Variants in GRM8 observed in about 807,000 individuals in gnomAD.
GRM8 encodes the protein glutamate metabotropic receptor 8.
Under a neutral mutation model 87.2 loss-of-function variants are expected in GRM8, and 47 were observed. The ratio of observed to expected loss-of-function variants is 0.54; its 90% CI spans 0.43 to 0.69. The LOEUF (loss-of-function observed/expected upper bound fraction) is 0.69, where lower values mean the gene tolerates loss of function less well. Among genes scored for constraint, GRM8 ranks in the 30% least tolerant of loss-of-function variants. The probability of loss-of-function intolerance (pLI) is 0.00; values close to 1 mark genes in which losing one functional copy is unlikely to be tolerated. For synonymous variants in GRM8, 396 were observed against 404.5 expected, an observed-to-expected ratio of 0.98 and a Z score of 0.25; for missense variants, 1,019 against 1,139.2, an observed-to-expected ratio of 0.89 and a Z score of 1.52.
chr7:126,756,250 TAAAC>T (rs896935305), intron 7 of GRM8, among the ~76,000 whole-genome samples: 3 of 152,024 alleles, frequency 2.0e-5, no homozygotes, highest in African/African-American at 2.4e-5. Flanking sequence ...TTATTCTCTT[TAAAC>T]AAACAAACTC....
chr7:126,937,354 T>G (rs1450082252), intron 3 of GRM8, among the ~76,000 whole-genome samples: 2 of 152,204 alleles, frequency 1.3e-5, no homozygotes, highest in Non-Finnish European at 2.9e-5. Flanking sequence ...AATGTGGAAC[T>G]GGAAGCAGAC....
At chr7:126,755,782 C>T (rs73226979) in intron 7 of GRM8, among the ~76,000 whole-genome samples, 14 of 151,742 alleles carry the variant, frequency 9.2e-5, no homozygotes, top group African/African-American at 3.1e-4. Flanking sequence ...CAGAGACTGA[C>T]GGGATTAGAT....
chr7:126,630,936 G>A (rs1168014855), intron 7 of GRM8, among the ~76,000 whole-genome samples: 1 of 152,090 alleles, frequency 6.6e-6, no homozygotes, highest in African/African-American at 2.4e-5. Flanking sequence ...TATTGAATGG[G>A]CAAAAGCTGA....
intron 3 of GRM8, among the ~76,000 whole-genome samples, chr7:126,909,669 T>C (rs1680488869): frequency 6.6e-6 from 1 of 152,222 alleles, no homozygotes; most frequent in East Asian, 1.9e-4. Context: ...TTAACAATAA[T>C]TTAAAGATCA....
intron 1 of GRM8, among the ~76,000 whole-genome samples, chr7:127,251,647 G>A (rs1296159217): frequency 6.6e-6 from 1 of 151,412 alleles, no homozygotes; most frequent in Non-Finnish European, 1.5e-5. Context: ...GGGGCATTCC[G>A]GCGCGCTGGG....
intron 2 of GRM8, among the ~76,000 whole-genome samples, chr7:127,223,441 ACG>A (rs1554615069): frequency 1.4e-3 from 150 of 109,586 alleles, no homozygotes; most frequent in Non-Finnish European, 2.1e-3. Flanking sequence ...ACACACACAC[ACG>A]CACACACACA....
Position 126,753,049 on chromosome 7 carries a change from G to A in GRM8, c.1357+16816C>T, listed in dbSNP as rs529728664. Among the ~76,000 whole-genome samples, 4 of 152,156 alleles carry A rather than the reference G, an allele frequency of 2.6e-5. No individual in the cohort carries two copies. The East Asian group carries it at 7.7e-4, about 29-fold the overall frequency. On this transcript the variant is annotated intron_variant, in intron 7 of 10. Coordinates refer to ENST00000339582, the MANE Select transcript of GRM8 (RefSeq NM_000845.3). ...TAATCTGTTCAATGACTAGCTTGAGGAATGGATGCAGATTTAGCAATTTTA... is the reference window on the plus strand; with the variant it reads ...TAATCTGTTCAATGACTAGCTTGAGAAATGGATGCAGATTTAGCAATTTTA...
At chr7:126,727,227 A>G (rs1382209321) in intron 7 of GRM8, among the ~76,000 whole-genome samples, 2 of 152,016 alleles carry the variant, frequency 1.3e-5, no homozygotes, top group Non-Finnish European at 2.9e-5. Context: ...AGAATATTCT[A>G]TATAATTCTG....
intron 7 of GRM8, among the ~76,000 whole-genome samples, chr7:126,733,539 CTAAATAT>C (rs1342880904): frequency 6.6e-6 from 1 of 150,432 alleles, no homozygotes; most frequent in Non-Finnish European, 1.5e-5. Flanking sequence ...CAATAAAATA[CTAAATAT>C]TAAGTAAAAT....
At chr7:126,664,273 G>A (rs1805527864) in intron 7 of GRM8, among the ~76,000 whole-genome samples, 1 of 151,984 alleles carries the variant, frequency 6.6e-6, no homozygotes, top group African/African-American at 2.4e-5. Flanking sequence ...CTCTCATAGA[G>A]TTCGAAAAAC....
At chr7:126,651,176 T>C (rs992651291) in intron 7 of GRM8, among the ~76,000 whole-genome samples, 1 of 152,200 alleles carries the variant, frequency 6.6e-6, no homozygotes, top group African/African-American at 2.4e-5. Context: ...CCCGGTCCAC[T>C]GTCATGGTAT....
chr7:127,152,766 C>T (rs929638096), intron 2 of GRM8, among the ~76,000 whole-genome samples: 1 of 152,028 alleles, frequency 6.6e-6, no homozygotes, highest in African/African-American at 2.4e-5. Flanking sequence ...TGGAGAAAAC[C>T]ATCTAAAGAT....
At position 126,906,198 on chromosome 7, in the gene GRM8, C is replaced by T. The variant is rs138196486; in HGVS notation, c.728-1515G>A. On this transcript the variant is annotated intron_variant, in intron 3 of 10. Transcript: ENST00000339582. ...GAGGACACAGCAAAAAGACACTGAA[C>T]CAGGAAGAGGGCCCTCATCAGCTCT... 6.0e-3 allele frequency among the ~76,000 whole-genome samples: 911 copies of T among 152,268 alleles called. 9 individuals carry two copies. The highest frequency in any genetic ancestry group is 0.021 in the African/African-American group (858 of 41,532).
intron 9 of GRM8, among the ~76,000 whole-genome samples, chr7:126,464,106 A>G (rs1013474584): frequency 6.6e-6 from 1 of 151,476 alleles, no homozygotes; most frequent in African/African-American, 2.4e-5. Flanking sequence ...CTATTGAGTC[A>G]TTTATCTTTT....
intron 2 of GRM8, among the ~76,000 whole-genome samples, chr7:127,242,405 G>C (rs1257794690): frequency 6.6e-6 from 1 of 151,742 alleles, no homozygotes; most frequent in African/African-American, 2.4e-5. Context: ...GCCTAACAAA[G>C]AGGTTATCCC....
intron 6 of GRM8, among the ~76,000 whole-genome samples, chr7:126,880,053 C>T (rs1003506756): frequency 7.9e-5 from 12 of 152,146 alleles, no homozygotes; most frequent in African/African-American, 2.9e-4. Flanking sequence ...TGCCTCATGC[C>T]AAAGCCTATG....
intron 3 of GRM8, among the ~76,000 whole-genome samples, chr7:126,950,681 G>C: frequency 6.6e-6 from 1 of 152,086 alleles, no homozygotes; most frequent in Non-Finnish European, 1.5e-5. Flanking sequence ...CATACCCCAT[G>C]CTAAGCATTT....
chr7:126,614,508 T>C (rs150199097), intron 7 of GRM8, among the ~76,000 whole-genome samples: 1,619 of 152,148 alleles, frequency 0.011, 24 homozygotes, highest in African/African-American at 0.037. Flanking sequence ...TCACCAGCAA[T>C]GGAACAAAGC....
At chr7:126,492,587 C>A (rs947893450) in intron 9 of GRM8, among the ~76,000 whole-genome samples, 2 of 151,974 alleles carry the variant, frequency 1.3e-5, no homozygotes, top group Non-Finnish European at 2.9e-5. Flanking sequence ...TCACCTCAAG[C>A]CAGTTCTTTA....
Sources: gnomAD v4.1 joint callset for allele counts (sites outside exome capture counted in the v4.1 genomes callset) on GRCh38, gnomAD v4.1.1 for gene constraint, MANE v1.5 for transcripts, NCBI Gene and HGNC (gene_info 2026-07-23, HGNC 2026-07-21) for gene names.